Variants in RMDN2 observed in about 807,000 individuals in gnomAD.
The protein encoded by RMDN2 is regulator of microtubule dynamics 2, also known as regulator of microtubule dynamics protein 2.
A neutral mutation model predicts 52.8 loss-of-function variants in RMDN2; 61 were observed. The ratio of observed to expected loss-of-function variants is 1.16; its 90% confidence interval spans 0.94 to 1.43. The LOEUF (loss-of-function observed/expected upper bound fraction) is 1.43, where lower values mean the gene tolerates loss of function less well. RMDN2 is among the 40% of genes most tolerant of loss of function. The pLI, the probability that RMDN2 is intolerant of heterozygous loss-of-function variation, is 0.00. For synonymous variants in RMDN2, 180 were observed against 153.1 expected, an observed-to-expected ratio of 1.18 and a Z score of -1.30; for missense variants, 592 against 475.3, an observed-to-expected ratio of 1.25 and a Z score of -2.28.
rs771270539 is a variant in RMDN2 at position 37,975,264 on chromosome 2, T to G, written c.680T>G (p.Met227Arg). 9 of 1,610,994 alleles carry G rather than the reference T, an allele frequency of 5.6e-6. No individual in the cohort carries two copies. Among genetic ancestry groups the G allele is most frequent in the Non-Finnish European group, 7.6e-6 (9 of 1,177,276 alleles). The change falls in exon 4 of 11, where the codon ATG (methionine) becomes AGG (arginine). Residue 227 changes from methionine (M) to arginine (R), a missense_variant. Coordinates refer to ENST00000354545, the MANE Select transcript of RMDN2 (RefSeq NM_001170791.3). ...MWRFARAYGDMYELSTNTQEK... is the reference protein window; with the variant it reads ...MWRFARAYGDRYELSTNTQEK... ...CGATTTGCTCGTGCTTATGGAGACA[T>G]GTATGAACTATCTACAAACACACAA...
intron 7 of RMDN2, among the ~76,000 whole-genome samples, chr2:37,992,063 A>G (rs1272237138): frequency 6.6e-6 from 1 of 152,196 alleles, no homozygotes; most frequent in Non-Finnish European, 1.5e-5. Context: ...CACCTGCTCT[A>G]TGCCAAATAT....
At chr2:37,958,754 G>C (rs1226744323) in intron 2 of RMDN2, among the ~76,000 whole-genome samples, 1 of 150,818 alleles carries the variant, frequency 6.6e-6, no homozygotes, top group Non-Finnish European at 1.5e-5. Flanking sequence ...TGCCCATTCA[G>C]TATGATATTG....
At chr2:37,954,870 C>A (rs557407578) in intron 2 of RMDN2, among the ~76,000 whole-genome samples, 1 of 152,004 alleles carries the variant, frequency 6.6e-6, no homozygotes, top group Admixed American at 6.6e-5. Context: ...TATTTAAATT[C>A]TTTCAACAAT....
At chr2:37,959,486 A>C (rs1400806337) in intron 2 of RMDN2, among the ~76,000 whole-genome samples, 1 of 150,812 alleles carries the variant, frequency 6.6e-6, no homozygotes, top group East Asian at 1.9e-4. Context: ...TTTCTCTGGG[A>C]TCAGTGGTAA....
At chr2:38,040,849 G>A (rs1206604964) in intron 10 of RMDN2, among the ~76,000 whole-genome samples, 1 of 152,298 alleles carries the variant, frequency 6.6e-6, no homozygotes, top group East Asian at 1.9e-4. Flanking sequence ...TTTAATCCAT[G>A]AACATGGGAT....
intron 10 of RMDN2, chr2:38,012,673 C>A: frequency 4.5e-6 from 2 of 442,398 alleles, no homozygotes. Flanking sequence ...ATTTCCATTT[C>A]TTTTTCCATG....
intron 4 of RMDN2, among the ~76,000 whole-genome samples, chr2:37,978,127 C>T (rs1358077896): frequency 6.6e-5 from 10 of 152,188 alleles, no homozygotes; most frequent in South Asian, 2.1e-4. Flanking sequence ...GAGACCAGCC[C>T]GGCCAACACG....
rs1484710382 is a variant in RMDN2, at chr2:37,997,466, A to G, written c.996A>G (p.Gly332=). 6.8e-6 allele frequency: 11 copies of G among 1,613,712 alleles called. No homozygotes were observed. The highest frequency in any genetic ancestry group is 1.3e-5 in the African/African-American group (1 of 74,884). ...IEKKMAATLF[G]KIPSSTVQEA... ...AAAAAATGGCTGCTACTCTGTTTGG[A>G]AAAATACCATCTTCAACTGTACAAG... The change falls in exon 8 of 11, where the codon GGA becomes GGG. Residue 332 remains glycine, a synonymous_variant. Coordinates refer to ENST00000354545, the MANE Select transcript of RMDN2 (RefSeq NM_001170791.3).
In RMDN2 at chr2:38,004,031, T is replaced by G. The variant is rs760381915; in HGVS notation, c.1085T>G (p.Met362Arg). The change falls in exon 9 of 11, where the codon ATG becomes AGG. Residue 362 changes from methionine to arginine, a missense_variant. By Grantham distance (91) the Met-to-Arg change is moderately conservative. Coordinates refer to ENST00000354545, the MANE Select transcript of RMDN2 (RefSeq NM_001170791.3). ...LCPGYSNPNY[M>R]YLAKCYTDLE... is the part of the protein sequence containing the mutation. Reference sequence around the variant, plus strand: ...CCTGGTTATTCTAATCCCAATTACATGTACTTAGCAAAGGTAATGAAGACC... The same window carrying G: ...CCTGGTTATTCTAATCCCAATTACAGGTACTTAGCAAAGGTAATGAAGACC... 1.2e-6 allele frequency: 2 copies of G among 1,613,394 alleles called. No individual in the cohort carries two copies. The highest frequency in any genetic ancestry group is 1.1e-5 in the South Asian group (1 of 91,064).
At chr2:38,032,260 T>C (rs995350981) in intron 10 of RMDN2, among the ~76,000 whole-genome samples, 5 of 152,166 alleles carry the variant, frequency 3.3e-5, no homozygotes, top group Non-Finnish European at 7.3e-5. Flanking sequence ...CTCTCCCACC[T>C]ACCTGTACCA....
chr2:37,932,960 A>G (rs1394726807), intron 2 of RMDN2, among the ~76,000 whole-genome samples: 2 of 144,264 alleles, frequency 1.4e-5, no homozygotes, highest in Admixed American at 6.9e-5. Context: ...CCGGGCGGAG[A>G]CGCTCCTCAC....
At chr2:38,052,614 AGC>A (rs1264821118) in intron 10 of RMDN2, among the ~76,000 whole-genome samples, 1 of 152,130 alleles carries the variant, frequency 6.6e-6, no homozygotes, top group Admixed American at 6.5e-5. Flanking sequence ...AATGTCCTGG[AGC>A]AAGTAGTTTT....
intron 10 of RMDN2, among the ~76,000 whole-genome samples, chr2:38,009,306 A>C (rs930543148): frequency 6.6e-6 from 1 of 152,206 alleles, no homozygotes; most frequent in African/African-American, 2.4e-5. Flanking sequence ...GTGTTTTCCA[A>C]CTTGGTTCCA....
chr2:37,951,891 G>C (rs142128542), intron 2 of RMDN2: 1 of 1,613,110 alleles, frequency 6.2e-7, no homozygotes. Flanking sequence ...TTCCTCTCCC[G>C]ATCAACAAAA....
At chr2:38,057,008 C>G (rs950782980) in intron 10 of RMDN2, among the ~76,000 whole-genome samples, 1 of 152,172 alleles carries the variant, frequency 6.6e-6, no homozygotes, top group African/African-American at 2.4e-5. Flanking sequence ...TTTGTGGGTT[C>G]ATGACTCTCT....
Position 37,927,162 on chromosome 2 carries a change from A to C in RMDN2, c.-17+1737A>C, listed in dbSNP as rs79870540. ...CCGTTGATTCTATTTTTTTCTAGTTAATTTTTGTGGTTCTGAAATAATATT... is the reference window on the plus strand; with the variant it reads ...CCGTTGATTCTATTTTTTTCTAGTTCATTTTTGTGGTTCTGAAATAATATT... On this transcript the variant is annotated intron_variant, in intron 1 of 10. Transcript: ENST00000354545. Among the ~76,000 whole-genome samples the C allele has an allele frequency of 7.2e-3, 1,097 of 152,170 alleles. 11 individuals are homozygous for C. Among genetic ancestry groups the C allele is most frequent in the African/African-American group, 0.025 (1,039 of 41,482 alleles).
chr2:37,947,802 A>G (rs1013057866), intron 2 of RMDN2, among the ~76,000 whole-genome samples: 10 of 152,184 alleles, frequency 6.6e-5, no homozygotes, highest in Admixed American at 5.9e-4. Context: ...AAATTTGTCA[A>G]TTCAAGTTAA....
intron 2 of RMDN2, among the ~76,000 whole-genome samples, chr2:37,933,376 T>C (rs374191886): frequency 2.6e-4 from 40 of 152,160 alleles, no homozygotes; most frequent in Middle Eastern, 3.4e-3. Flanking sequence ...GGGTGGCGGC[T>C]GGGCAGAGGC....
intron 10 of RMDN2, among the ~76,000 whole-genome samples, chr2:38,040,632 C>T (rs1372631290): frequency 6.6e-6 from 1 of 152,182 alleles, no homozygotes; most frequent in African/African-American, 2.4e-5. Context: ...GCCAAACACA[C>T]TAAGACAGTC....
Sources: allele counts gnomAD v4.1 joint callset (sites outside exome capture counted in the v4.1 genomes callset), GRCh38; gene constraint gnomAD v4.1.1; transcripts MANE v1.5; gene names NCBI Gene and HGNC (gene_info 2026-07-23, HGNC 2026-07-21).